Variants in MTA3 observed in about 807,000 individuals in gnomAD.
MTA3 encodes the protein metastasis-associated protein MTA3.
A neutral mutation model predicts 83.5 loss-of-function variants in MTA3; 34 were observed. The observed-to-expected ratio is 0.41, with a 90% CI of 0.31 to 0.54. The LOEUF (loss-of-function observed/expected upper bound fraction) is 0.54. Among genes scored for constraint, MTA3 ranks in the 20% least tolerant of loss-of-function variants. MTA3 has a pLI of 0.33. For synonymous variants in MTA3, 303 were observed against 252.7 expected (o/e 1.20, Z -1.89); for missense variants, 761 against 726.4 (o/e 1.05, Z -0.55).
At chr2:42,646,131 T>C (rs1322154823) in intron 6 of MTA3, among the ~76,000 whole-genome samples, 1 of 152,234 alleles carries the variant, frequency 6.6e-6, no homozygotes, top group African/African-American at 2.4e-5. Flanking sequence ...ATTTACAGTA[T>C]GGTTTACTGA....
chr2:42,506,548 A>C (rs1299877521), intron 2 of MTA3, among the ~76,000 whole-genome samples: 4 of 152,018 alleles, frequency 2.6e-5, no homozygotes, highest in African/African-American at 9.7e-5. Context: ...GTGATTCCTT[A>C]ATTCCTTCAG....
rs1413473506 is a variant in MTA3 at position 42,708,042 on chromosome 2, C to A, written c.1290C>A (p.Ser430Arg). 10 of 1,608,528 alleles carry A rather than the reference C, an allele frequency of 6.2e-6. No individual in the cohort carries two copies. Among genetic ancestry groups the A allele is most frequent in the Non-Finnish European group, 8.5e-6 (10 of 1,178,436 alleles). Residue 430 changes from serine (S) to arginine (R), a missense_variant, in exon 13 of 17, where the codon AGC becomes AGA. Transcript: ENST00000405094. ...TQSEEEKLSP[S>R]PTTEDPRVRS... ...CAGAAGAAGAGAAGTTATCTCCTAGCCCAACTACAGAGGTACAGTAGTCTT... is the reference window on the plus strand; with the variant it reads ...CAGAAGAAGAGAAGTTATCTCCTAGACCAACTACAGAGGTACAGTAGTCTT...
chr2:42,671,242 T>C (rs1011009757), intron 8 of MTA3, among the ~76,000 whole-genome samples: 1 of 152,156 alleles, frequency 6.6e-6, no homozygotes, highest in South Asian at 2.1e-4. Flanking sequence ...ATCTAGGAGA[T>C]TATATATTTC....
At chr2:42,506,853 C>T (rs528818487) in intron 2 of MTA3, among the ~76,000 whole-genome samples, 199 of 152,036 alleles carry the variant, frequency 1.3e-3, no homozygotes, top group Non-Finnish European at 2.3e-3. Flanking sequence ...GTGATCCGGC[C>T]GTCTTGGCCT....
rs1670217023 is a variant in MTA3, at chr2:42,756,059, ATTTG to A, written c.*2664_*2667del. 1 of 975,042 alleles carries A rather than the reference ATTTG, an allele frequency of 1.0e-6. No homozygotes were observed. The highest frequency in any genetic ancestry group is 1.1e-4 in the East Asian group (1 of 8,768). 60.4% of individuals were successfully genotyped at this position (975,042 alleles called of 1,614,324 possible). ...TTCAAGTGGGGGTTTTCATCCAGAG[ATTTG>A]TTTAACACAAAACAAGAAAAGCTGA... On this transcript the variant is annotated 3_prime_UTR_variant, in exon 17 of 17. Transcript: ENST00000405094.
At chr2:42,680,708 C>G (rs7600465) in intron 8 of MTA3, among the ~76,000 whole-genome samples, 21,223 of 152,082 alleles carry the variant, frequency 0.14, 1,908 homozygotes, top group Admixed American at 0.25. Flanking sequence ...TTTTTCAAAC[C>G]TCGAAGTTTT....
chr2:42,510,331 A>C (rs933993964), intron 2 of MTA3, among the ~76,000 whole-genome samples: 20 of 147,342 alleles, frequency 1.4e-4, no homozygotes, highest in Admixed American at 6.9e-5. Flanking sequence ...AAAAAAAAAA[A>C]GCACAGCAGA....
At chr2:42,709,582 TC>T (rs1393658572) in intron 14 of MTA3, 1 of 153,062 alleles carries the variant, frequency 6.5e-6, no homozygotes, top group Non-Finnish European at 1.5e-5. Context: ...CTCGTTTTTC[TC>T]ATGAACCTTT....
At chr2:42,706,209 G>T (rs1666066365) in intron 12 of MTA3, among the ~76,000 whole-genome samples, 1 of 151,912 alleles carries the variant, frequency 6.6e-6, no homozygotes, top group Non-Finnish European at 1.5e-5. Flanking sequence ...ACCCCAGCAT[G>T]GCACATGTAT....
At chr2:42,734,800 T>G (rs1479907836) in intron 16 of MTA3, among the ~76,000 whole-genome samples, 2 of 152,186 alleles carry the variant, frequency 1.3e-5, no homozygotes, top group Non-Finnish European at 2.9e-5. Flanking sequence ...AAGTTGACAC[T>G]GATTGCATAA....
intron 2 of MTA3, 40 bp from the exon 3 acceptor site, chr2:42,579,067 A>G: frequency 7.3e-7 from 1 of 1,361,452 alleles, no homozygotes; most frequent in South Asian, 1.3e-5. Flanking sequence ...TTTGACTCTA[A>G]TATTCAGTGC....
chr2:42,517,241 C>G (rs1675187018), intron 2 of MTA3, among the ~76,000 whole-genome samples: 1 of 150,354 alleles, frequency 6.7e-6, no homozygotes, highest in Non-Finnish European at 1.5e-5. Context: ...GCCTTGGGGA[C>G]AAGAGTGAAA....
chr2:42,696,115 G>A (rs1161985603), intron 10 of MTA3, among the ~76,000 whole-genome samples: 1 of 152,112 alleles, frequency 6.6e-6, no homozygotes, highest in Non-Finnish European at 1.5e-5. Flanking sequence ...TCTCTTTGTA[G>A]TTCATGGCAA....
intron 2 of MTA3, among the ~76,000 whole-genome samples, chr2:42,540,840 A>G (rs1676486831): frequency 6.6e-6 from 1 of 151,942 alleles, no homozygotes; most frequent in South Asian, 2.1e-4. Context: ...GTCTCAAAAA[A>G]AAAAAAATTA....
At chr2:42,504,130 G>A (rs1159850337) in intron 2 of MTA3, among the ~76,000 whole-genome samples, 1 of 151,934 alleles carries the variant, frequency 6.6e-6, no homozygotes, top group Non-Finnish European at 1.5e-5. Context: ...GGGTTTCGCT[G>A]TGTTGGACAG....
At chr2:42,590,443 A>G (rs1030518593) in intron 3 of MTA3, among the ~76,000 whole-genome samples, 1 of 152,140 alleles carries the variant, frequency 6.6e-6, no homozygotes, top group Non-Finnish European at 1.5e-5. Flanking sequence ...GCCATGACTG[A>G]AAGCAGCCTG....
At chr2:42,626,018 C>G (rs1686048952) in intron 4 of MTA3, among the ~76,000 whole-genome samples, 1 of 147,808 alleles carries the variant, frequency 6.8e-6, no homozygotes, top group African/African-American at 2.5e-5. Flanking sequence ...TCTCGGCTCA[C>G]TGCAAGCTCT....
At chr2:42,540,402 G>A (rs1323686107) in intron 2 of MTA3, among the ~76,000 whole-genome samples, 1 of 151,588 alleles carries the variant, frequency 6.6e-6, no homozygotes, top group Non-Finnish European at 1.5e-5. Flanking sequence ...TTGAACTCCT[G>A]GTCTCAAGCA....
intron 2 of MTA3, among the ~76,000 whole-genome samples, chr2:42,578,526 C>T (rs1374167190): frequency 2.0e-5 from 3 of 152,136 alleles, no homozygotes; most frequent in African/African-American, 4.8e-5. Flanking sequence ...GATTCATAGA[C>T]TTCCTTGGTG....
Sources: allele counts gnomAD v4.1 joint callset (sites outside exome capture counted in the v4.1 genomes callset), GRCh38; gene constraint gnomAD v4.1.1; transcripts MANE v1.5; gene names NCBI Gene and HGNC (gene_info 2026-07-23, HGNC 2026-07-21).